The following SLC27A2 variants were observed in gnomAD, a reference collection of about 807,000 sequenced individuals.
The protein encoded by SLC27A2 is solute carrier family 27 member 2.
Under a neutral mutation model 60.0 loss-of-function variants are expected in SLC27A2, and 54 were observed. That is an observed-to-expected ratio of 0.90 (90% CI 0.72 to 1.13). The LOEUF is 1.13. Ranked by LOEUF, SLC27A2 falls within the 50% of genes most tolerant of loss-of-function variation. The pLI is 0.00. For missense variants in SLC27A2, 739 were observed against 777.6 expected, an observed-to-expected ratio of 0.95 and a Z score of 0.59; for synonymous variants, 297 against 297.6, an observed-to-expected ratio of 1.00 and a Z score of 0.02.
chr15:50,189,435 A>T lies in SLC27A2; in HGVS notation c.478+6530A>T, dbSNP rs886124527. Among the ~76,000 whole-genome samples the T allele has an allele frequency of 3.9e-5, 6 of 152,178 alleles. No individual in the cohort carries two copies. The South Asian group carries it at 1.2e-3, about 32-fold the overall frequency. On this transcript the variant is annotated intron_variant, in intron 1 of 9. Transcript: ENST00000267842. The stretch of plus-strand genomic sequence containing the variant: ...ACCCTGTACAAGGACAGAAACCCAG[A>T]CACCAAATGATTAATATATCCAAGG...
chr15:50,201,640 T>C (rs2045064280), intron 2 of SLC27A2, among the ~76,000 whole-genome samples: 1 of 151,898 alleles, frequency 6.6e-6, no homozygotes, highest in Non-Finnish European at 1.5e-5. Flanking sequence ...ACTGCAACCT[T>C]TGCCTCCCAG....
At chr15:50,234,308 C>G (rs1272892130) in intron 9 of SLC27A2, among the ~76,000 whole-genome samples, 1 of 152,014 alleles carries the variant, frequency 6.6e-6, no homozygotes, top group Non-Finnish European at 1.5e-5. Flanking sequence ...TTAAAAAAGG[C>G]CAAACGCGGT....
At chr15:50,202,696 C>A (rs572325961) in intron 3 of SLC27A2, 51 bp downstream of exon 3, 1 of 1,586,742 alleles carries the variant, frequency 6.3e-7, no homozygotes, top group Non-Finnish European at 8.6e-7. Flanking sequence ...TACATTTTCC[C>A]AGAAGGAACA....
chr15:50,216,610 G>GTATATATATA (rs59683706), intron 4 of SLC27A2, among the ~76,000 whole-genome samples: 6 of 66,480 alleles, frequency 9.0e-5, no homozygotes, highest in African/African-American at 1.7e-4. Context: ...GTGTGTGTGT[G>GTATATATATA]TATATATATA....
chr15:50,223,061 T>G lies in SLC27A2; in HGVS notation c.1069T>G (p.Cys357Gly). ...RQFVKRFGDI[C>G]IYEFYAATEG... is the part of the protein sequence containing the mutation. Reference sequence around the variant, plus strand: ...ATTTGTCAAGAGATTTGGGGACATATGCATCTATGAGTTCTATGCTGCCAC... The same window carrying G: ...ATTTGTCAAGAGATTTGGGGACATAGGCATCTATGAGTTCTATGCTGCCAC... Residue 357 changes from cysteine to glycine, a missense_variant, in exon 5 of 10, where the codon TGC becomes GGC. Cys to Gly is a radical substitution (Grantham distance 159). Transcript: ENST00000267842. 2 of 1,614,016 alleles carry G rather than the reference T, an allele frequency of 1.2e-6. No homozygotes were observed. Among genetic ancestry groups the G allele is most frequent in the South Asian group, 1.1e-5 (1 of 91,066 alleles).
intron 8 of SLC27A2, among the ~76,000 whole-genome samples, chr15:50,230,987 G>T (rs1372081230): frequency 6.6e-6 from 1 of 152,084 alleles, no homozygotes; most frequent in Non-Finnish European, 1.5e-5. Flanking sequence ...AAAATCTCTG[G>T]GGTGGGGCCA....
intron 4 of SLC27A2, among the ~76,000 whole-genome samples, chr15:50,210,929 A>G (rs1271423358): frequency 6.6e-6 from 1 of 151,796 alleles, no homozygotes; most frequent in African/African-American, 2.4e-5. Context: ...TAGGTACACA[A>G]CTCCAGTGAC....
chr15:50,207,863 T>C (rs2045125371), intron 4 of SLC27A2, among the ~76,000 whole-genome samples: 1 of 151,074 alleles, frequency 6.6e-6, no homozygotes, highest in African/African-American at 2.4e-5. Context: ...TCTATGCAAA[T>C]TTTTTTAAAT....
chr15:50,204,843 A>G lies in SLC27A2; in HGVS notation c.848-396A>G, dbSNP rs565624145. Among the ~76,000 whole-genome samples the G allele has an allele frequency of 2.5e-4, 36 of 145,544 alleles. No individual in the cohort carries two copies. In the East Asian group the frequency reaches 2.9e-3, roughly 12 times the overall value. On this transcript the variant is annotated intron_variant, in intron 3 of 9. Transcript: ENST00000267842. Reference sequence around the variant, plus strand: ...ATAATATATATGTATGTGTGTGTATATATATGTATGTGTGTATATATATAT... The same window carrying G: ...ATAATATATATGTATGTGTGTGTATGTATATGTATGTGTGTATATATATAT...
At chr15:50,196,360 C>T (rs2045024012) in intron 1 of SLC27A2, among the ~76,000 whole-genome samples, 2 of 151,686 alleles carry the variant, frequency 1.3e-5, no homozygotes, top group East Asian at 2.0e-4. Context: ...CAGCCCTGTT[C>T]ATCTATTAGG....
intron 4 of SLC27A2, among the ~76,000 whole-genome samples, chr15:50,211,148 G>C (rs1477831230): frequency 2.0e-5 from 3 of 152,174 alleles, no homozygotes; most frequent in Non-Finnish European, 2.9e-5. Context: ...ATGCTTTCTG[G>C]AAAGTACCAC....
intron 4 of SLC27A2, among the ~76,000 whole-genome samples, chr15:50,210,818 C>A (rs1394288571): frequency 1.3e-5 from 2 of 152,188 alleles, no homozygotes; most frequent in Non-Finnish European, 2.9e-5. Context: ...GTGAGACCAG[C>A]CCTTCAGGTT....
Position 50,197,716 on chromosome 15 carries a change from A to C in SLC27A2, c.688+7A>C. 1 of 1,600,542 alleles carries C rather than the reference A, an allele frequency of 6.2e-7. No individual in the cohort carries two copies. The highest frequency in any genetic ancestry group is 8.6e-7 in the Non-Finnish European group (1 of 1,168,342). ...TATACTTCTGGAACCACAGGTAAAA[A>C]TAAAGGGGGGATTCTCCAAAAAAAT... is the stretch of plus-strand genomic sequence containing the variant. On this transcript the variant is annotated splice_region_variant and intron_variant, in intron 2 of 9. Transcript: ENST00000267842.
intron 2 of SLC27A2, 102 bp downstream of exon 2, chr15:50,197,811 T>C: frequency 2.6e-6 from 2 of 758,286 alleles, no homozygotes; most frequent in Non-Finnish European, 4.4e-6. Flanking sequence ...ATTGGGTAAC[T>C]AATACTTCAG....
chr15:50,214,403 G>T (rs2045180329), intron 4 of SLC27A2, among the ~76,000 whole-genome samples: 1 of 152,002 alleles, frequency 6.6e-6, no homozygotes. Context: ...AAGAAGAATT[G>T]GTACCAATTC....
Position 50,226,791 on chromosome 15 carries a change from G to C in SLC27A2, c.1259-189G>C, listed in dbSNP as rs527385651. 8.3e-4 allele frequency among the ~76,000 whole-genome samples: 126 copies of C among 152,286 alleles called. 1 individual carries two copies. The Middle Eastern group carries it at 0.014, about 16-fold the overall frequency. On this transcript the variant is annotated intron_variant, in intron 6 of 9. Transcript: ENST00000267842. The stretch of plus-strand genomic sequence containing the variant: ...ATATACAATAATGTACAGTATATGT[G>C]TGTGTGGTGTATGTATGTGTGTCTG...
intron 3 of SLC27A2, among the ~76,000 whole-genome samples, chr15:50,204,091 C>G (rs777958773): frequency 6.6e-6 from 1 of 152,118 alleles, no homozygotes; most frequent in Admixed American, 6.5e-5. Context: ...ACTTTTTAAG[C>G]ACCAGGACAC....
At chr15:50,216,690 A>C (rs2045199853) in intron 4 of SLC27A2, among the ~76,000 whole-genome samples, 2 of 137,026 alleles carry the variant, frequency 1.5e-5, no homozygotes, top group Non-Finnish European at 3.1e-5. Context: ...TAATGCCTCC[A>C]GATTTGTTCT....
At position 50,195,423 on chromosome 15, in the gene SLC27A2, G is replaced by A. The variant is rs186970672; in HGVS notation, c.479-2077G>A. On this transcript the variant is annotated intron_variant, in intron 1 of 9. Transcript: ENST00000267842. ...GGAGAATGCTGTGAACCCGGGAGGCGGAGCTTGCAGTGAGCCGAGATCGCG... is the reference window on the plus strand; with the variant it reads ...GGAGAATGCTGTGAACCCGGGAGGCAGAGCTTGCAGTGAGCCGAGATCGCG... Among the ~76,000 whole-genome samples the A allele has an allele frequency of 1.3e-3, 205 of 152,006 alleles. 2 individuals are homozygous for A. Among genetic ancestry groups the A allele is most frequent in the African/African-American group, 4.7e-3 (195 of 41,456 alleles).
Sources: gnomAD v4.1 joint callset for allele counts (sites outside exome capture counted in the v4.1 genomes callset) on GRCh38, gnomAD v4.1.1 for gene constraint, MANE v1.5 for transcripts, NCBI Gene and HGNC (gene_info 2026-07-23, HGNC 2026-07-21) for gene names.